The following MSH4 variants were observed in gnomAD, a reference collection of about 807,000 sequenced individuals.
MSH4 encodes mutS protein homolog 4.
In MSH4, 106 loss-of-function variants were observed where a neutral mutation model predicts 113.7. The observed-to-expected ratio is 0.93, with a 90% confidence interval of 0.80 to 1.10. The LOEUF (loss-of-function observed/expected upper bound fraction) is 1.10, where lower values mean the gene tolerates loss of function less well. Ranked by LOEUF, MSH4 falls within the 50% of genes least tolerant of loss-of-function variation. The pLI is 0.00. For missense variants in MSH4, 1,061 were observed against 1,093.7 expected (o/e 0.97, Z 0.42); for synonymous variants, 368 against 380.2 (o/e 0.97, Z 0.37).
chr1:75,848,162 A>T (rs752292034), intron 7 of MSH4, 47 bp from the exon 8 acceptor site: 1 of 1,232,656 alleles, frequency 8.1e-7, no homozygotes, highest in South Asian at 1.3e-5. Flanking sequence ...CAATATTTTG[A>T]ACTGTACCAT....
Position 75,899,646 on chromosome 1 carries a change from T to A in MSH4, c.2559T>A (p.Leu853=). 6.6e-7 allele frequency: 1 copy of A among 1,511,042 alleles called. No homozygotes were observed. The highest frequency in any genetic ancestry group is 8.8e-7 in the Non-Finnish European group (1 of 1,136,698). 93.6% of individuals were successfully genotyped at this position (1,511,042 alleles called of 1,614,324 possible). A position where few individuals can be genotyped will look rare whatever the true frequency, so the allele number is the denominator to read the frequency against. ...YGLKAAEVSS[L]PPSIVLDAKE... ...TAAAAGCTGCAGAGGTGTCATCACT[T>A]CCACCATCAATTGTCTTGGATGCCA... The change falls in exon 19 of 20, where the codon CTT becomes CTA. Residue 853 remains leucine, a synonymous_variant. Transcript: ENST00000263187.
At chr1:75,803,641 G>T in intron 1 of MSH4, 90 bp from the exon 2 acceptor site, 1 of 985,548 alleles carries the variant, frequency 1.0e-6, no homozygotes. Flanking sequence ...AGAAAAAAAA[G>T]GAAAGTGAAC....
intron 7 of MSH4, among the ~76,000 whole-genome samples, chr1:75,829,046 C>T (rs894869572): frequency 6.6e-6 from 1 of 152,124 alleles, no homozygotes; most frequent in Non-Finnish European, 1.5e-5. Flanking sequence ...AAAGGGAAGC[C>T]ATGACAGACA....
At chr1:75,837,985 G>A (rs1650869584) in intron 7 of MSH4, among the ~76,000 whole-genome samples, 1 of 152,016 alleles carries the variant, frequency 6.6e-6, no homozygotes, top group African/African-American at 2.4e-5. Flanking sequence ...CTACATTGTT[G>A]CCTGAGTGAT....
At chr1:75,880,770 T>G (rs1326380649) in intron 13 of MSH4, among the ~76,000 whole-genome samples, 1 of 151,862 alleles carries the variant, frequency 6.6e-6, no homozygotes, top group African/African-American at 2.4e-5. Flanking sequence ...TATTCAGATA[T>G]TGTGTCTGTG....
chr1:75,904,152 T>C (rs1407145497), intron 19 of MSH4, among the ~76,000 whole-genome samples: 2 of 152,214 alleles, frequency 1.3e-5, no homozygotes, highest in Non-Finnish European at 2.9e-5. Context: ...ATTCTGTTAA[T>C]ATGACATATC....
chr1:75,844,633 G>T (rs573076032), intron 7 of MSH4, among the ~76,000 whole-genome samples: 178 of 152,268 alleles, frequency 1.2e-3, no homozygotes, highest in African/African-American at 4.1e-3. Context: ...GGCTGAAATG[G>T]TTAAAAGTTT....
At chr1:75,894,310 C>T (rs76192904) in intron 17 of MSH4, among the ~76,000 whole-genome samples, 22,591 of 152,148 alleles carry the variant, frequency 0.15, 1,995 homozygotes, top group East Asian at 0.27. Context: ...AATAATCTGA[C>T]TTACATAGAC....
intron 8 of MSH4, among the ~76,000 whole-genome samples, chr1:75,853,505 G>C (rs1416337904): frequency 1.3e-5 from 2 of 152,042 alleles, no homozygotes; most frequent in Non-Finnish European, 2.9e-5. Context: ...TTGTATACTT[G>C]GTTGAGATGG....
At chr1:75,883,905 T>A in intron 15 of MSH4, 84 bp downstream of exon 15, 1 of 1,111,698 alleles carries the variant, frequency 9.0e-7, no homozygotes, top group Non-Finnish European at 1.3e-6. Context: ...GCCATGTGCC[T>A]AATTAACCCA....
intron 15 of MSH4, among the ~76,000 whole-genome samples, chr1:75,885,341 G>GTA (rs72131358): frequency 1.9e-5 from 2 of 102,576 alleles, no homozygotes; most frequent in African/African-American, 6.9e-5. Flanking sequence ...GTGTGTGTGT[G>GTA]TATATATATA....
At chr1:75,852,253 G>T (rs1651205199) in intron 8 of MSH4, among the ~76,000 whole-genome samples, 1 of 152,088 alleles carries the variant, frequency 6.6e-6, no homozygotes, top group South Asian at 2.1e-4. Context: ...CCATTGTATG[G>T]ATATAACACA....
Position 75,796,954 on chromosome 1 carries a change from C to T in MSH4, c.-32C>T. On this transcript the variant is annotated 5_prime_UTR_variant, in exon 1 of 20. Coordinates refer to ENST00000263187, the MANE Select transcript of MSH4 (RefSeq NM_002440.4). ...TACTGGAGGGGTCGCTCAGAAACCT[C>T]ATACTTCTCGGGTCAGGGAAGGTTT... The T allele has an allele frequency of 1.2e-6, 2 of 1,612,404 alleles. No homozygotes were observed. The highest frequency in any genetic ancestry group is 1.7e-6 in the Non-Finnish European group (2 of 1,179,178).
chr1:75,857,841 A>G (rs1478374930), intron 8 of MSH4, among the ~76,000 whole-genome samples: 3 of 152,190 alleles, frequency 2.0e-5, no homozygotes, highest in South Asian at 2.1e-4. Flanking sequence ...CCTTGAATCT[A>G]TAAATTACTT....
At chr1:75,896,887 C>T (rs1008440358) in intron 17 of MSH4, among the ~76,000 whole-genome samples, 1 of 151,994 alleles carries the variant, frequency 6.6e-6, no homozygotes, top group African/African-American at 2.4e-5. Flanking sequence ...CTAAATATTT[C>T]CTGTAGCTTT....
chr1:75,878,893 G>T, intron 11 of MSH4, 99 bp from the exon 12 acceptor site: 5 of 1,005,732 alleles, frequency 5.0e-6, no homozygotes, highest in East Asian at 3.1e-5. Context: ...TATAAAATAA[G>T]AATTTAAAAA....
chr1:75,888,356 A>C (rs1652172529), intron 15 of MSH4, among the ~76,000 whole-genome samples: 1 of 151,926 alleles, frequency 6.6e-6, no homozygotes, highest in South Asian at 2.1e-4. Flanking sequence ...TTCTATATTG[A>C]GACTGGTGCA....
At position 75,883,632 on chromosome 1, in the gene MSH4, T is replaced by C; in HGVS notation, c.1918T>C (p.Phe640Leu). ...TTTTTTTTCTTAAGTTCGACCAGAA[T>C]TTACTGATACTTTAGCAATCAAACA... Reference protein sequence around the residue: ...CTLSDYVRPEFTDTLAIKQGW... With the variant: ...CTLSDYVRPELTDTLAIKQGW... Residue 640 changes from phenylalanine (F) to leucine (L), a missense_variant, in exon 15 of 20, where the codon TTT (phenylalanine) becomes CTT (leucine). Transcript: ENST00000263187. 6.2e-7 allele frequency: 1 copy of C among 1,610,930 alleles called. No homozygotes were observed. Among genetic ancestry groups the C allele is most frequent in the Non-Finnish European group, 8.5e-7 (1 of 1,179,064 alleles).
At chr1:75,869,826 G>A (rs1239080625) in intron 9 of MSH4, among the ~76,000 whole-genome samples, 5 of 152,232 alleles carry the variant, frequency 3.3e-5, no homozygotes, top group Non-Finnish European at 7.3e-5. Context: ...TTAGGACAGT[G>A]CAGAAGGAAA....
Sources: allele counts gnomAD v4.1 joint callset (sites outside exome capture counted in the v4.1 genomes callset), GRCh38; gene constraint gnomAD v4.1.1; transcripts MANE v1.5; gene names NCBI Gene and HGNC (gene_info 2026-07-23, HGNC 2026-07-21).